HSPA4L: variants seen among roughly 807,000 people sequenced by gnomAD.
HSPA4L encodes heat shock 70 kDa protein 4L.
HSPA4L carries 48 observed loss-of-function variants against 100.3 expected under a neutral mutation model. The ratio of observed to expected loss-of-function variants is 0.48; its 90% CI spans 0.38 to 0.61. HSPA4L has a LOEUF of 0.61. Ranked by LOEUF, HSPA4L falls within the 20% of genes least tolerant of loss-of-function variation. The probability of loss-of-function intolerance (pLI) is 0.00; values close to 1 mark genes in which losing one functional copy is unlikely to be tolerated. For synonymous variants in HSPA4L, 319 were observed against 328.2 expected (o/e 0.97, Z 0.30); for missense variants, 886 against 988.6 (o/e 0.90, Z 1.39).
intron 16 of HSPA4L, among the ~76,000 whole-genome samples, chr4:127,824,579 T>C (rs1000631395): frequency 1.3e-5 from 2 of 152,226 alleles, no homozygotes; most frequent in Admixed American, 1.3e-4. Flanking sequence ...TGGCATGTCT[T>C]TAAGAAGTGA....
chr4:127,795,929 G>T (rs1733008988), intron 3 of HSPA4L, 21 bp downstream of exon 3: 1 of 1,605,044 alleles, frequency 6.2e-7, no homozygotes, highest in South Asian at 1.1e-5. Flanking sequence ...TATTCCCAGG[G>T]TTACAAACAT....
intron 12 of HSPA4L, among the ~76,000 whole-genome samples, chr4:127,812,537 G>A (rs901342760): frequency 5.3e-5 from 8 of 151,884 alleles, no homozygotes; most frequent in Admixed American, 3.9e-4. Flanking sequence ...ATTACACAAC[G>A]TTTTCATCTT....
At chr4:127,801,731 G>A (rs1560657050) in intron 5 of HSPA4L, 54 bp from the exon 6 acceptor site, 14 of 1,450,218 alleles carry the variant, frequency 9.7e-6, no homozygotes, top group Non-Finnish European at 9.4e-6. Context: ...GACATTTCTT[G>A]TTTTCCAAGT....
Position 127,818,470 on chromosome 4 carries a change from AATT to A in HSPA4L, c.1674+54_1674+56del, listed in dbSNP as rs769315302. On this transcript the variant is annotated intron_variant, in intron 13 of 18. Coordinates refer to ENST00000296464, the MANE Select transcript of HSPA4L (RefSeq NM_014278.4). ...ATGTCTTTTTGAAATTGATATTTTGAATTATTGTATTTAATGCTTTCTTTTAAC... is the reference window on the plus strand; with the variant it reads ...ATGTCTTTTTGAAATTGATATTTTGAATTGTATTTAATGCTTTCTTTTAAC... The A allele has an allele frequency of 2.5e-6, 3 of 1,177,074 alleles. No homozygotes were observed. The South Asian group carries it at 4.2e-5, about 16-fold the overall frequency. The allele number at this position is 1,177,074 out of a possible 1,614,324, so 72.9% of individuals were successfully genotyped here. A position where few individuals can be genotyped will look rare whatever the true frequency, so the allele number is the denominator to read the frequency against.
intron 13 of HSPA4L, among the ~76,000 whole-genome samples, chr4:127,818,854 C>G (rs1733740767): frequency 6.6e-6 from 1 of 151,306 alleles, no homozygotes; most frequent in East Asian, 1.9e-4. Context: ...CCTATATAAC[C>G]TGCACATGTG....
At chr4:127,782,114 G>T, upstream of HSPA4L, 1 of 447,896 alleles carries the variant, frequency 2.2e-6, no homozygotes, top group South Asian at 1.6e-5. Flanking sequence ...CGCTTCTCCC[G>T]CCCCCGGATA....
At position 127,830,659 on chromosome 4, in the gene HSPA4L, G is replaced by T. The variant is rs1312226836; in HGVS notation, c.2188G>T (p.Asp730Tyr). The T allele has an allele frequency of 1.1e-5, 18 of 1,597,094 alleles. No homozygotes were observed. Among genetic ancestry groups the T allele is most frequent in the Non-Finnish European group, 1.5e-5 (18 of 1,174,420 alleles). ...ATAGGATGAAAGATATGATCATCTG[G>T]ATCCTACTGAAATGGAAAAGGTTGA... ...RNKDERYDHL[D>Y]PTEMEKVEKC... The change falls in exon 18 of 19, where the codon GAT becomes TAT. Residue 730 changes from aspartate to tyrosine, a missense_variant. Coordinates refer to ENST00000296464, the MANE Select transcript of HSPA4L (RefSeq NM_014278.4).
intron 9 of HSPA4L, 49 bp downstream of exon 9, chr4:127,805,273 G>A (rs750265150): frequency 6.9e-7 from 1 of 1,458,512 alleles, no homozygotes; most frequent in South Asian, 1.3e-5. Flanking sequence ...CCAGAAATGA[G>A]TGATAGATCC....
chr4:127,802,287 T>G (rs1270981575), intron 6 of HSPA4L, among the ~76,000 whole-genome samples: 5 of 152,214 alleles, frequency 3.3e-5, no homozygotes, highest in Admixed American at 1.3e-4. Context: ...TGATTCCCAT[T>G]GATTTTAGAA....
chr4:127,785,077 A>G (rs188446583), intron 1 of HSPA4L, among the ~76,000 whole-genome samples: 1 of 152,352 alleles, frequency 6.6e-6, no homozygotes, highest in East Asian at 1.9e-4. Context: ...ATATAAACCA[A>G]GAAGGACAGT....
At chr4:127,824,769 G>A (rs527645247) in intron 16 of HSPA4L, among the ~76,000 whole-genome samples, 2 of 152,246 alleles carry the variant, frequency 1.3e-5, no homozygotes, top group South Asian at 4.1e-4. Flanking sequence ...CCTTTTTTAG[G>A]TCAGTGGTGT....
Position 127,834,060 on chromosome 4 carries a change from G to C in HSPA4L, c.*1186G>C, listed in dbSNP as rs950750897. 6.6e-6 allele frequency: 1 copy of C among 152,108 alleles called. No individual in the cohort carries two copies. The highest frequency in any genetic ancestry group is 6.5e-5 in the Admixed American group (1 of 15,270). 9.4% of individuals were successfully genotyped at this position (152,108 alleles called of 1,614,324 possible). A position where few individuals can be genotyped will look rare whatever the true frequency, so the allele number is the denominator to read the frequency against. ...CTTATACAAATTAAATGCGAAAAGG[G>C]ACTGTAAACTTAAGATGTATTTTAA... is the stretch of plus-strand genomic sequence containing the variant. On this transcript the variant is annotated 3_prime_UTR_variant, in exon 19 of 19. Coordinates refer to ENST00000296464, the MANE Select transcript of HSPA4L (RefSeq NM_014278.4).
In HSPA4L at chr4:127,803,623, A is replaced by C; in HGVS notation, c.664-6A>C. 1 of 1,571,980 alleles carries C rather than the reference A, an allele frequency of 6.4e-7. No individual in the cohort carries two copies. On this transcript the variant is annotated splice_polypyrimidine_tract_variant and splice_region_variant and intron_variant, in intron 6 of 18. Coordinates refer to ENST00000296464, the MANE Select transcript of HSPA4L (RefSeq NM_014278.4). ...AAAATACAGTTCTGCTTTTTCAATT[A>C]AACAGGTCTTGGCTACTACCTTTGA...
intron 13 of HSPA4L, 94 bp downstream of exon 13, chr4:127,818,514 G>C: frequency 3.0e-6 from 2 of 656,418 alleles, no homozygotes; most frequent in Non-Finnish European, 5.0e-6. Flanking sequence ...TGATATTTTT[G>C]ATCTTAGAAT....
chr4:127,799,084 T>A (rs1733103233), intron 4 of HSPA4L, among the ~76,000 whole-genome samples: 1 of 152,198 alleles, frequency 6.6e-6, no homozygotes, highest in Non-Finnish European at 1.5e-5. Flanking sequence ...AAAAAAAAGA[T>A]CTTTAAGGAT....
At chr4:127,813,698 A>G (rs535387287) in intron 12 of HSPA4L, among the ~76,000 whole-genome samples, 1 of 152,190 alleles carries the variant, frequency 6.6e-6, no homozygotes, top group Non-Finnish European at 1.5e-5. Flanking sequence ...GCTGGAGTGC[A>G]GTGGCACAAT....
chr4:127,817,702 C>CA (rs1224297641), intron 12 of HSPA4L, among the ~76,000 whole-genome samples: 4 of 152,032 alleles, frequency 2.6e-5, no homozygotes, highest in Non-Finnish European at 4.4e-5. Context: ...TATCAAAACT[C>CA]AAAGTGCATA....
intron 16 of HSPA4L, 116 bp downstream of exon 16, chr4:127,823,740 G>C: frequency 1.6e-6 from 1 of 624,788 alleles, no homozygotes; most frequent in Middle Eastern, 4.4e-4. Context: ...GAGGAAAATT[G>C]TATATATTTG....
chr4:127,818,237 A>G (rs1733722587), intron 12 of HSPA4L, 88 bp from the exon 13 acceptor site: 1 of 791,648 alleles, frequency 1.3e-6, no homozygotes, highest in South Asian at 2.0e-5. Context: ...ACATTTCAAA[A>G]CAGGCTTGAA....
Sources: gnomAD v4.1 joint callset for allele counts (sites outside exome capture counted in the v4.1 genomes callset) on GRCh38, gnomAD v4.1.1 for gene constraint, MANE v1.5 for transcripts, NCBI Gene and HGNC (gene_info 2026-07-23, HGNC 2026-07-21) for gene names.